HHIPL1: variants seen among roughly 807,000 people sequenced by gnomAD.
HHIPL1 encodes the protein HHIP-like protein 1.
A neutral mutation model predicts 61.8 loss-of-function variants in HHIPL1; 43 were observed. The observed-to-expected ratio is 0.70, with a 90% confidence interval of 0.55 to 0.90. The LOEUF (loss-of-function observed/expected upper bound fraction) is 0.90, where lower values mean the gene tolerates loss of function less well. Ranked by LOEUF, HHIPL1 falls within the 40% of genes least tolerant of loss-of-function variation. The pLI, the probability that HHIPL1 is intolerant of heterozygous loss-of-function variation, is 0.00. For missense variants in HHIPL1, 1,056 were observed against 1,157.7 expected (o/e 0.91, Z 1.28); for synonymous variants, 482 against 515.8 (o/e 0.93, Z 0.89).
chr14:99,621,709 C>CTTTTTTTTT, the HHIPL1 span, among the ~76,000 whole-genome samples: 47 of 84,532 alleles, frequency 5.6e-4, 1 homozygote, highest in African/African-American at 6.5e-4. Flanking sequence ...CTTTTCTTTT[C>CTTTTTTTTT]TTTTTTTTTT....
At chr14:99,641,440 G>T (rs1392189125), upstream of HHIPL1, among the ~76,000 whole-genome samples, 1 of 145,026 alleles carries the variant, frequency 6.9e-6, no homozygotes, top group Non-Finnish European at 1.5e-5. Flanking sequence ...TTTTCACAGA[G>T]TCTCGTTCTG....
At chr14:99,655,830 A>T (rs575066861) in intron 2 of HHIPL1, among the ~76,000 whole-genome samples, 10 of 152,324 alleles carry the variant, frequency 6.6e-5, no homozygotes, top group African/African-American at 2.4e-4. Context: ...GGAGGAACAA[A>T]GGGAAAAAGT....
At chr14:99,632,933 G>C in the HHIPL1 span, among the ~76,000 whole-genome samples, 30 of 152,052 alleles carry the variant, frequency 2.0e-4, no homozygotes, top group African/African-American at 7.0e-4. Context: ...ATGTATGGAT[G>C]GGGGAGTGAG....
At chr14:99,657,257 G>T in intron 3 of HHIPL1, 114 bp downstream of exon 3, 1 of 1,253,428 alleles carries the variant, frequency 8.0e-7, no homozygotes, top group Admixed American at 2.2e-5. Context: ...AGGAGAAAAG[G>T]TTCTGGGTCC....
the HHIPL1 span, among the ~76,000 whole-genome samples, chr14:99,605,221 G>T: frequency 6.6e-6 from 1 of 152,260 alleles, no homozygotes; most frequent in Non-Finnish European, 1.5e-5. Context: ...TCCCACTGGG[G>T]CCTGAACGCC....
At chr14:99,621,906 T>A in the HHIPL1 span, among the ~76,000 whole-genome samples, 4 of 151,808 alleles carry the variant, frequency 2.6e-5, no homozygotes, top group South Asian at 2.1e-4. Flanking sequence ...TAGCAGAGAC[T>A]GGGTTTCACC....
the HHIPL1 span, among the ~76,000 whole-genome samples, chr14:99,609,588 G>A: frequency 6.6e-6 from 1 of 152,216 alleles, no homozygotes; most frequent in Non-Finnish European, 1.5e-5. Flanking sequence ...GAGGTCATGT[G>A]TCTCAACTCC....
rs2056376868 is a variant in HHIPL1, at chr14:99,675,360, C to T, written c.2083C>T (p.Arg695Cys). The change falls in exon 9 of 9, where the codon CGC (arginine) becomes TGC (cysteine). Residue 695 changes from arginine (R) to cysteine (C), a missense_variant. Transcript: ENST00000330710. The surrounding 1 kb of genome is among the most constrained non-coding windows in gnomAD (Gnocchi z 5.4). ...SGRVEVFVGGRWGTVCDDSWN... is the reference protein window; with the variant it reads ...SGRVEVFVGGCWGTVCDDSWN... ...GCGCGTGGAGGTGTTCGTGGGCGGA[C>T]GCTGGGGCACCGTGTGCGACGACTC... 4 of 1,490,824 alleles carry T rather than the reference C, an allele frequency of 2.7e-6. No individual in the cohort carries two copies. Among genetic ancestry groups the T allele is most frequent in the Non-Finnish European group, 3.6e-6 (4 of 1,121,234 alleles). The allele number at this position is 1,490,824 out of a possible 1,614,324, so 92.3% of individuals were successfully genotyped here.
At chr14:99,645,106 G>C (rs1011057613), upstream of HHIPL1, 2 of 1,070,142 alleles carry the variant, frequency 1.9e-6, no homozygotes, top group Admixed American at 8.7e-5. Context: ...GAGGCCCTGC[G>C]TGTAGGGAAG....
At chr14:99,653,905 G>A (rs1319242281) in intron 2 of HHIPL1, among the ~76,000 whole-genome samples, 4 of 152,200 alleles carry the variant, frequency 2.6e-5, no homozygotes, top group Non-Finnish European at 5.9e-5. Flanking sequence ...AATGATAAAA[G>A]GGCTCAGACG....
chr14:99,668,332 TC>T lies in HHIPL1; in HGVS notation c.1730+31del. The T allele has an allele frequency of 1.5e-6, 2 of 1,370,500 alleles. No individual in the cohort carries two copies. The highest frequency in any genetic ancestry group is 2.1e-6 in the Non-Finnish European group (2 of 958,340). The allele number at this position is 1,370,500 out of a possible 1,614,324, so 84.9% of individuals were successfully genotyped here. ...AGTCCCAGCCTCCAGGACAGGGAGC[TC>T]CTGCTGTCTGTCAGGCCTCTTAGCT... On this transcript the variant is annotated intron_variant, in intron 7 of 8. Transcript: ENST00000330710. This position sits in a 1 kb window ranked among gnomAD's most constrained non-coding sequence, Gnocchi z 4.7.
rs149752348 is a variant in HHIPL1 at position 99,663,014 on chromosome 14, C to T, written c.1641C>T (p.Asp547=). 57 of 1,605,428 alleles carry T rather than the reference C, an allele frequency of 3.6e-5. No individual in the cohort carries two copies. In the East Asian group the frequency reaches 9.8e-4, roughly 28 times the overall value. ...YYPYIISFGE[D]EAGELYFMST... ...CGTACATCATCTCCTTCGGGGAGGACGAGGCCGGTGAGCACTCCTGAGACC... is the reference window on the plus strand; with the variant it reads ...CGTACATCATCTCCTTCGGGGAGGATGAGGCCGGTGAGCACTCCTGAGACC... The change falls in exon 6 of 9, where the codon GAC becomes GAT. Residue 547 remains aspartate, a synonymous_variant. Coordinates refer to ENST00000330710, the MANE Select transcript of HHIPL1 (RefSeq NM_001127258.3).
At chr14:99,640,939 T>G (rs1045307851), upstream of HHIPL1, among the ~76,000 whole-genome samples, 27 of 134,908 alleles carry the variant, frequency 2.0e-4, no homozygotes, top group Non-Finnish European at 3.9e-4. Flanking sequence ...CAGGCTGGAG[T>G]GCAATGGTGC....
the HHIPL1 span, among the ~76,000 whole-genome samples, chr14:99,623,731 A>C: frequency 6.6e-6 from 1 of 152,090 alleles, no homozygotes; most frequent in African/African-American, 2.4e-5. Flanking sequence ...ACACTCTTGA[A>C]GGAAGAAGAG....
chr14:99,620,752 T>A, the HHIPL1 span, among the ~76,000 whole-genome samples: 1 of 152,178 alleles, frequency 6.6e-6, no homozygotes, highest in South Asian at 2.1e-4. Context: ...TAAGGGCCAC[T>A]CTCCCTCTGC....
At chr14:99,614,455 G>A in the HHIPL1 span, among the ~76,000 whole-genome samples, 6 of 152,152 alleles carry the variant, frequency 3.9e-5, no homozygotes, top group African/African-American at 7.2e-5. Context: ...TCAGGCTCTC[G>A]GAGCAAGGGC....
chr14:99,671,159 G>T (rs1236261156), intron 7 of HHIPL1, among the ~76,000 whole-genome samples: 1 of 152,162 alleles, frequency 6.6e-6, no homozygotes, highest in East Asian at 1.9e-4. Flanking sequence ...ATTACACAGA[G>T]GTCCCATTAT....
the HHIPL1 span, among the ~76,000 whole-genome samples, chr14:99,620,124 CTCAA>C: frequency 1.3e-5 from 2 of 152,310 alleles, no homozygotes; most frequent in East Asian, 3.9e-4. Flanking sequence ...GCCCAGGTGA[CTCAA>C]TGCCATCTTT....
rs2056386140 is a variant in HHIPL1 at position 99,675,832 on chromosome 14, G to C, written c.*206G>C. On this transcript the variant is annotated 3_prime_UTR_variant, in exon 9 of 9. Transcript: ENST00000330710. This position sits in a 1 kb window ranked among gnomAD's most constrained non-coding sequence, Gnocchi z 5.4. Reference sequence around the variant, plus strand: ...GGAGTGTGTGTTGGGGGCGGTGTGGGCTCTGGAAGTGCATGGTCCATCATG... The same window carrying C: ...GGAGTGTGTGTTGGGGGCGGTGTGGCCTCTGGAAGTGCATGGTCCATCATG... 6.3e-6 allele frequency: 3 copies of C among 474,292 alleles called. No individual in the cohort carries two copies. The highest frequency in any genetic ancestry group is 5.4e-4 in the Middle Eastern group (1 of 1,840). 29.4% of individuals were successfully genotyped at this position (474,292 alleles called of 1,614,324 possible). A position where few individuals can be genotyped will look rare whatever the true frequency, so the allele number is the denominator to read the frequency against.
Sources: allele counts gnomAD v4.1 joint callset (sites outside exome capture counted in the v4.1 genomes callset), GRCh38; gene constraint gnomAD v4.1.1; non-coding constraint Gnocchi (gnomAD v3.1); transcripts MANE v1.5; gene names NCBI Gene and HGNC (gene_info 2026-07-23, HGNC 2026-07-21).